The following SEPTIN3 variants were observed in gnomAD, a reference collection of about 807,000 sequenced individuals.
SEPTIN3 encodes the protein neuronal-specific septin-3.
Under a neutral mutation model 45.1 loss-of-function variants are expected in SEPTIN3, and 15 were observed. The ratio of observed to expected loss-of-function variants is 0.33; its 90% CI spans 0.22 to 0.51. The LOEUF (loss-of-function observed/expected upper bound fraction) is 0.51. Ranked by LOEUF, SEPTIN3 falls within the 20% of genes least tolerant of loss-of-function variation. SEPTIN3 has a pLI of 0.97. For synonymous variants in SEPTIN3, 148 were observed against 164.8 expected, an observed-to-expected ratio of 0.90 and a Z score of 0.78; for missense variants, 289 against 457.2, an observed-to-expected ratio of 0.63 and a Z score of 3.35.
At chr22:41,975,149 T>C (rs2078005409) in intron 2 of SEPTIN3, among the ~76,000 whole-genome samples, 1 of 152,192 alleles carries the variant, frequency 6.6e-6, no homozygotes, top group Non-Finnish European at 1.5e-5. Flanking sequence ...ATGGAAGTCC[T>C]ACACAGAACT....
At chr22:41,978,368 G>T (rs2078064271) in intron 2 of SEPTIN3, among the ~76,000 whole-genome samples, 1 of 152,198 alleles carries the variant, frequency 6.6e-6, no homozygotes, top group Admixed American at 6.5e-5. Flanking sequence ...AGAAGGGTGA[G>T]AACTAGTACG....
In SEPTIN3 at chr22:41,994,591, G is replaced by T. The variant is rs369573790; in HGVS notation, c.2412-30G>T. On this transcript the variant is annotated intron_variant, in intron 10 of 11. Coordinates refer to ENST00000644076, the MANE Select transcript of SEPTIN3 (RefSeq NM_001363845.2). The surrounding 1 kb of genome is among the most constrained non-coding windows in gnomAD (Gnocchi z 4.2). ...CCTCCTCTTCCTGCCCCTAATTGCA[G>T]CCCTCTTCTTCTCACCCTGTGTCCT... is the stretch of plus-strand genomic sequence containing the variant. The T allele has an allele frequency of 1.2e-6, 2 of 1,613,346 alleles. No homozygotes were observed. Among genetic ancestry groups the T allele is most frequent in the African/African-American group, 2.7e-5 (2 of 74,874 alleles).
rs971397885 is a variant in SEPTIN3, at chr22:41,972,433, G to C, written c.941G>C (p.Gly314Ala). 2.5e-5 allele frequency: 10 copies of C among 398,766 alleles called. No individual in the cohort carries two copies. Among genetic ancestry groups the C allele is most frequent in the Admixed American group, 4.4e-5 (1 of 22,708 alleles). 24.7% of individuals were successfully genotyped at this position (398,766 alleles called of 1,614,324 possible). The change falls in exon 2 of 12, where the codon GGG (glycine) becomes GCG (alanine). Residue 314 changes from glycine (G) to alanine (A), a missense_variant. Physicochemically the swap from Gly to Ala is moderately conservative, Grantham distance 60. Around this residue, in one of 3 missense-constraint regions of SEPTIN3, gnomAD observed 200 missense variants for 315.1 expected, o/e 0.63. Transcript: ENST00000644076. ...LGTARDLSSV[G>A]TVKSGKTVNL... ...ACAGCCAGAGACTTGTCTTCGGTAGGGACAGTCAAGTCAGGCAAAACCGTG... is the reference window on the plus strand; with the variant it reads ...ACAGCCAGAGACTTGTCTTCGGTAGCGACAGTCAAGTCAGGCAAAACCGTG...
rs574589432 is a variant in SEPTIN3, at chr22:41,971,596, G to A, written c.104G>A (p.Arg35His). 3.3e-5 allele frequency: 13 copies of A among 399,034 alleles called. No homozygotes were observed. The South Asian group carries it at 6.4e-4, about 20-fold the overall frequency. 24.7% of individuals were successfully genotyped at this position (399,034 alleles called of 1,614,324 possible). A position where few individuals can be genotyped will look rare whatever the true frequency, so the allele number is the denominator to read the frequency against. ...AGCCATGTGCTGGGGCGCCCTATCC[G>A]CCCCTCGAGACTCCCTGGAGGAGGG... ...SHSHVLGRPI[R>H]PSRLPGGGSP... The change falls in exon 2 of 12, where the codon CGC becomes CAC. Residue 35 changes from arginine to histidine, a missense_variant. By Grantham distance (29) the Arg-to-His change is conservative. This residue lies in a region of SEPTIN3 where 200 missense variants were observed against 315.1 expected (regional missense o/e 0.63). Transcript: ENST00000644076.
At chr22:41,987,858 C>T in intron 6 of SEPTIN3, 99 bp downstream of exon 6, 1 of 1,303,568 alleles carries the variant, frequency 7.7e-7, no homozygotes, top group African/African-American at 1.5e-5. Context: ...AGCTAGGCCT[C>T]CCTAGCTGAG....
At position 41,994,929 on chromosome 22, in the gene SEPTIN3, GAGAGAGCGAGAGAGCC is replaced by G; in HGVS notation, c.2505+216_2505+231del. On this transcript the variant is annotated intron_variant, in intron 11 of 11. Coordinates refer to ENST00000644076, the MANE Select transcript of SEPTIN3 (RefSeq NM_001363845.2). This position sits in a 1 kb window ranked among gnomAD's most constrained non-coding sequence, Gnocchi z 4.2. ...TGTGTGTGTGTGTGTGTGTGACAGA[GAGAGAGCGAGAGAGCC>G]TGTGTGTGTGCATGCAGGGGTGAGG... The G allele has an allele frequency of 1.4e-6, 2 of 1,417,512 alleles. No individual in the cohort carries two copies. Among genetic ancestry groups the G allele is most frequent in the East Asian group, 5.6e-5 (2 of 35,610 alleles). 87.8% of individuals were successfully genotyped at this position (1,417,512 alleles called of 1,614,324 possible).
rs2078119767 is a variant in SEPTIN3 at position 41,981,518 on chromosome 22, G to T, written c.1505-127G>T. ...ATGAAATGAGGGACCTGGACTGGAT[G>T]ATACTAAGATCCCTTCCAGGCCCAA... On this transcript the variant is annotated intron_variant, in intron 2 of 11. Transcript: ENST00000644076. 4.3e-6 allele frequency: 3 copies of T among 701,298 alleles called. No individual in the cohort carries two copies. The Admixed American group carries it at 8.6e-5, about 20-fold the overall frequency. The allele number at this position is 701,298 out of a possible 1,614,324, so 43.4% of individuals were successfully genotyped here. A position where few individuals can be genotyped will look rare whatever the true frequency, so the allele number is the denominator to read the frequency against.
At chr22:41,991,433 G>A in intron 7 of SEPTIN3, 140 bp from the exon 8 acceptor site, 2 of 684,102 alleles carry the variant, frequency 2.9e-6, no homozygotes, top group Non-Finnish European at 5.4e-6. Flanking sequence ...GCTGCTCAGG[G>A]TCTCAGAGTT....
chr22:41,991,724 T>TGCACAATACACATCCCA, intron 8 of SEPTIN3, 56 bp downstream of exon 8: 1 of 1,163,024 alleles, frequency 8.6e-7, no homozygotes, highest in Non-Finnish European at 1.3e-6. Context: ...CTCTGGGATG[T>TGCACAATACACATCCCA]GTATTGTGCA....
chr22:41,987,537 T>C, intron 5 of SEPTIN3, 85 bp from the exon 6 acceptor site: 1 of 1,477,774 alleles, frequency 6.8e-7, no homozygotes, highest in Non-Finnish European at 9.3e-7. Flanking sequence ...GACATGAATG[T>C]AAGGAGATTG....
In SEPTIN3 at chr22:41,976,985, G is replaced by A. The variant is rs1602410876; in HGVS notation, c.1504+3989G>A. ...CCCGTTTGCAGGGGCCGCTCGGCCC[G>A]GGGAAGCCCGCGCCCCGCTCAGCCT... On this transcript the variant is annotated intron_variant, in intron 2 of 11. Coordinates refer to ENST00000644076, the MANE Select transcript of SEPTIN3 (RefSeq NM_001363845.2). The surrounding 1 kb of genome is among the most constrained non-coding windows in gnomAD (Gnocchi z 5.8). The A allele has an allele frequency of 6.7e-7, 1 of 1,492,638 alleles. No individual in the cohort carries two copies. Among genetic ancestry groups the A allele is most frequent in the East Asian group, 2.7e-5 (1 of 37,622 alleles). 92.5% of individuals were successfully genotyped at this position (1,492,638 alleles called of 1,614,324 possible). A position where few individuals can be genotyped will look rare whatever the true frequency, so the allele number is the denominator to read the frequency against.
chr22:41,983,411 C>G (rs907690145), intron 3 of SEPTIN3, among the ~76,000 whole-genome samples: 6 of 152,246 alleles, frequency 3.9e-5, no homozygotes, highest in African/African-American at 1.4e-4. Flanking sequence ...TCTCCAATCC[C>G]TTGTCCACCA....
At position 41,986,674 on chromosome 22, in the gene SEPTIN3, TG is replaced by T. The variant is rs1185157368; in HGVS notation, c.1826-531del. Among the ~76,000 whole-genome samples the T allele has an allele frequency of 9.9e-5, 15 of 152,188 alleles. No individual in the cohort carries two copies. The East Asian group carries it at 2.9e-3, about 30-fold the overall frequency. The stretch of plus-strand genomic sequence containing the variant: ...GCCACCACGCCCGGCTAATTTTTTT[TG>T]TATTTTTAGTAGAGATGGGGTTTCA... On this transcript the variant is annotated intron_variant, in intron 4 of 11. Transcript: ENST00000644076.
intron 6 of SEPTIN3, 65 bp from the exon 7 acceptor site, chr22:41,989,502 G>T: frequency 1.0e-6 from 1 of 996,714 alleles, no homozygotes; most frequent in Non-Finnish European, 1.6e-6. Context: ...GTCCTGGAGT[G>T]GTGGTGGTGG....
At chr22:41,979,387 AC>A (rs541374411) in intron 2 of SEPTIN3, among the ~76,000 whole-genome samples, 11 of 151,904 alleles carry the variant, frequency 7.2e-5, no homozygotes, top group Non-Finnish European at 1.2e-4. Flanking sequence ...GGATAAGACC[AC>A]CCCCCCAAAC....
chr22:41,984,593 T>G (rs2146695314), intron 3 of SEPTIN3, among the ~76,000 whole-genome samples: 1 of 152,272 alleles, frequency 6.6e-6, no homozygotes, highest in East Asian at 1.9e-4. Flanking sequence ...TGGAGTACAG[T>G]TGCGTGATCC....
chr22:41,987,659 G>A lies in SEPTIN3; in HGVS notation c.1945G>A (p.Glu649Lys), dbSNP rs1476404870. 3 of 1,613,924 alleles carry A rather than the reference G, an allele frequency of 1.9e-6. No individual in the cohort carries two copies. Among genetic ancestry groups the A allele is most frequent in the Non-Finnish European group, 1.7e-6 (2 of 1,179,916 alleles). The change falls in exon 6 of 12, where the codon GAG becomes AAG. Residue 649 changes from glutamate (E) to lysine (K), a missense_variant. By Grantham distance (56) the Glu-to-Lys change is moderately conservative. Around this residue, in one of 3 missense-constraint regions of SEPTIN3, gnomAD observed 200 missense variants for 315.1 expected, o/e 0.63. Transcript: ENST00000644076. The stretch of plus-strand genomic sequence containing the variant: ...TGAGAAGTACATCAATGAGCAGTAC[G>A]AGAAGTTCCTGAAGGAGGAGGTCAA... ...PIEKYINEQY[E>K]KFLKEEVNIA...
At chr22:41,990,045 T>TTC in intron 7 of SEPTIN3, among the ~76,000 whole-genome samples, 1 of 136,990 alleles carries the variant, frequency 7.3e-6, no homozygotes, top group Middle Eastern at 4.0e-3. Flanking sequence ...CACTGGCATC[T>TTC]TCTCTTTGTT....
intron 1 of SEPTIN3, among the ~76,000 whole-genome samples, chr22:41,969,920 C>T (rs550433962): frequency 6.6e-6 from 1 of 151,816 alleles, no homozygotes; most frequent in Non-Finnish European, 1.5e-5. Flanking sequence ...TGTGGCTGTG[C>T]AGGAGGGGGC....
Sources: allele counts gnomAD v4.1 joint callset (sites outside exome capture counted in the v4.1 genomes callset), GRCh38; gene constraint gnomAD v4.1.1; regional missense constraint gnomAD v4.1.1; non-coding constraint Gnocchi (gnomAD v3.1); transcripts MANE v1.5; gene names NCBI Gene and HGNC (gene_info 2026-07-23, HGNC 2026-07-21).